TTI1: variants seen among roughly 807,000 people sequenced by gnomAD.
The protein encoded by TTI1 is TELO2-interacting protein 1 homolog.
A neutral mutation model predicts 85.4 loss-of-function variants in TTI1; 52 were observed. The ratio of observed to expected loss-of-function variants is 0.61; its 90% confidence interval spans 0.49 to 0.77. TTI1 has a LOEUF of 0.77. Among genes scored for constraint, TTI1 ranks in the 30% least tolerant of loss-of-function variants. The probability of loss-of-function intolerance (pLI) is 0.00; values close to 1 mark genes in which losing one functional copy is unlikely to be tolerated. For synonymous variants in TTI1, 512 were observed against 503.9 expected, an observed-to-expected ratio of 1.02 and a Z score of -0.22; for missense variants, 1,173 against 1,296.0, an observed-to-expected ratio of 0.91 and a Z score of 1.46.
chr20:38,028,120 T>G (rs1339564697), intron 1 of TTI1, among the ~76,000 whole-genome samples: 1 of 152,160 alleles, frequency 6.6e-6, no homozygotes, highest in Non-Finnish European at 1.5e-5. Context: ...GTCTACTGTA[T>G]TTTCAATCCA....
At chr20:38,007,394 T>G (rs1309492372) in intron 2 of TTI1, among the ~76,000 whole-genome samples, 2 of 152,214 alleles carry the variant, frequency 1.3e-5, no homozygotes, top group African/African-American at 4.8e-5. Flanking sequence ...TTTCAAACTG[T>G]GCCTTGAGGA....
rs2073620428 is a variant in TTI1 at position 38,012,831 on chromosome 20, G to GTCCCACTAAGGCCTT, written c.985_986insAAGGCCTTAGTGGGA (p.Ala329delinsGluGlyLeuSerGlyThr). The GTCCCACTAAGGCCTT allele has an allele frequency of 6.2e-7, 1 of 1,614,020 alleles. No homozygotes were observed. Among genetic ancestry groups the GTCCCACTAAGGCCTT allele is most frequent in the Admixed American group, 1.7e-5 (1 of 60,006 alleles). On this transcript the variant is annotated protein_altering_variant, in exon 2 of 8. Transcript: ENST00000373447. Reference sequence around the variant, plus strand: ...CACTAAGGCCTTCAGAAGGGGACCAGCACATTCGACCAATGATTGACTGCA... The same window carrying GTCCCACTAAGGCCTT: ...CACTAAGGCCTTCAGAAGGGGACCAGTCCCACTAAGGCCTTCACATTCGACCAATGATTGACTGCA...
At chr20:38,019,489 A>T (rs528235839) in intron 1 of TTI1, among the ~76,000 whole-genome samples, 2 of 152,214 alleles carry the variant, frequency 1.3e-5, no homozygotes, top group Non-Finnish European at 2.9e-5. Context: ...AGACCATAAC[A>T]TGTCAAGATG....
chr20:38,018,307 A>G (rs1335770998), intron 1 of TTI1, among the ~76,000 whole-genome samples: 1 of 152,228 alleles, frequency 6.6e-6, no homozygotes, highest in Non-Finnish European at 1.5e-5. Flanking sequence ...TCAAATGGAT[A>G]CTTTAGAACT....
chr20:38,031,021 G>A (rs559248764), intron 1 of TTI1, among the ~76,000 whole-genome samples: 7 of 152,218 alleles, frequency 4.6e-5, no homozygotes, highest in South Asian at 2.1e-4. Flanking sequence ...ATCTATCAGC[G>A]GATCCTGTTA....
intron 3 of TTI1, among the ~76,000 whole-genome samples, chr20:38,003,612 C>T (rs2073456019): frequency 6.6e-6 from 1 of 152,080 alleles, no homozygotes; most frequent in South Asian, 2.1e-4. Context: ...ATTAGCCGGG[C>T]ATAGTGGCGG....
chr20:37,983,722 A>G, intron 7 of TTI1, 83 bp from the exon 8 acceptor site: 1 of 1,256,702 alleles, frequency 8.0e-7, no homozygotes, highest in South Asian at 2.1e-5. Flanking sequence ...GAGGCTGTTT[A>G]CCAGGCTATT....
At chr20:38,032,850 T>C (rs1053358266) in intron 1 of TTI1, among the ~76,000 whole-genome samples, 7 of 152,128 alleles carry the variant, frequency 4.6e-5, no homozygotes, top group Admixed American at 3.9e-4. Flanking sequence ...AGGCCTCAAA[T>C]AGTGTGTCTC....
In TTI1 at chr20:38,011,814, C is replaced by T. The variant is rs547279547; in HGVS notation, c.2003G>A (p.Ser668Asn). 6 of 1,614,216 alleles carry T rather than the reference C, an allele frequency of 3.7e-6. No individual in the cohort carries two copies. In the South Asian group the frequency reaches 6.6e-5, roughly 18 times the overall value. ...CATCATGGTGCTGGTAGCCACCTGACTAATGAGTAGGGTTTGGTCTCCAGC... is the reference window on the plus strand; with the variant it reads ...CATCATGGTGCTGGTAGCCACCTGATTAATGAGTAGGGTTTGGTCTCCAGC... ...EKAGDQTLLI[S>N]QVATSTMMDV... The change falls in exon 2 of 8, where the codon AGT becomes AAT. Residue 668 changes from serine (S) to asparagine (N), a missense_variant. By Grantham distance (46) the Ser-to-Asn change is conservative. Transcript: ENST00000373447.
intron 7 of TTI1, among the ~76,000 whole-genome samples, chr20:37,988,042 T>C (rs2073215227): frequency 6.6e-6 from 1 of 152,142 alleles, no homozygotes. Context: ...TAAAGCCTGG[T>C]CCAGCCCAGG....
At chr20:38,013,999 GC>G (rs1568625171) in intron 1 of TTI1, 142 bp from the exon 2 acceptor site, 1 of 763,020 alleles carries the variant, frequency 1.3e-6, no homozygotes, top group Non-Finnish European at 2.0e-6. Context: ...ATGAAACTGA[GC>G]CCCCTGTCTA....
intron 1 of TTI1, among the ~76,000 whole-genome samples, chr20:38,021,932 T>G (rs1486297176): frequency 6.6e-6 from 1 of 151,276 alleles, no homozygotes; most frequent in Non-Finnish European, 1.5e-5. Flanking sequence ...AATCAAGAAG[T>G]GAAAAAGGGA....
chr20:38,007,822 C>T (rs1259433752), intron 2 of TTI1, among the ~76,000 whole-genome samples: 1 of 152,230 alleles, frequency 6.6e-6, no homozygotes, highest in African/African-American at 2.4e-5. Flanking sequence ...GAGGTTCCTA[C>T]ACCCAGGGAT....
chr20:38,003,150 T>G (rs1244532436), intron 3 of TTI1, among the ~76,000 whole-genome samples: 1 of 152,124 alleles, frequency 6.6e-6, no homozygotes, highest in African/African-American at 2.4e-5. Flanking sequence ...TTTGTAGAAA[T>G]GGGGGTCTCA....
chr20:37,987,446 G>A (rs1331592863), intron 7 of TTI1: 2 of 421,320 alleles, frequency 4.7e-6, no homozygotes, highest in Admixed American at 2.8e-5. Context: ...AACCCAAAGA[G>A]AAACACTTTT....
At chr20:38,018,728 C>G (rs2073719334) in intron 1 of TTI1, among the ~76,000 whole-genome samples, 2 of 147,812 alleles carry the variant, frequency 1.4e-5, no homozygotes, top group South Asian at 2.1e-4. Flanking sequence ...AAAGAAATGA[C>G]AAAATCCAGG....
chr20:38,013,298 A>G lies in TTI1; in HGVS notation c.519T>C (p.Ala173=). ...EQEKSKQIKI[A]ALKCLQVLLL... is the part of the protein sequence containing the mutation. ...GTAGAACCTGTAAACATTTTAAGGC[A>G]GCAATTTTAATTTGCTTTGATTTCT... The change falls in exon 2 of 8, where the codon GCT becomes GCC. Residue 173 remains alanine (A), a synonymous_variant. Coordinates refer to ENST00000373447, the MANE Select transcript of TTI1 (RefSeq NM_001303457.2). 6.2e-7 allele frequency: 1 copy of G among 1,614,120 alleles called. No homozygotes were observed. The highest frequency in any genetic ancestry group is 1.3e-5 in the African/African-American group (1 of 75,056).
At chr20:37,984,420 G>A (rs185174921) in intron 7 of TTI1, among the ~76,000 whole-genome samples, 21 of 152,272 alleles carry the variant, frequency 1.4e-4, no homozygotes, top group Middle Eastern at 3.4e-3. Flanking sequence ...TTTTATCTTC[G>A]TCTGAACTTT....
intron 1 of TTI1, among the ~76,000 whole-genome samples, chr20:38,028,926 T>C (rs938866897): frequency 1.3e-5 from 2 of 152,164 alleles, no homozygotes; most frequent in African/African-American, 2.4e-5. Flanking sequence ...AGGCTGTTCT[T>C]GAACTCCTAG....
Sources: gnomAD v4.1 joint callset for allele counts (sites outside exome capture counted in the v4.1 genomes callset) on GRCh38, gnomAD v4.1.1 for gene constraint, MANE v1.5 for transcripts, NCBI Gene and HGNC (gene_info 2026-07-23, HGNC 2026-07-21) for gene names.